The following EXD3 variants were observed in gnomAD, a reference collection of about 807,000 sequenced individuals.
EXD3 encodes the protein exonuclease 3'-5' domain containing 3.
In EXD3, 92 loss-of-function variants were observed where a neutral mutation model predicts 98.0. The ratio of observed to expected loss-of-function variants is 0.94; its 90% CI spans 0.79 to 1.12. The LOEUF (loss-of-function observed/expected upper bound fraction) is 1.12. EXD3 is among the 50% of genes most tolerant of loss of function. The probability of loss-of-function intolerance (pLI) is 0.00; values close to 1 mark genes in which losing one functional copy is unlikely to be tolerated. For synonymous variants in EXD3, 569 were observed against 526.0 expected (o/e 1.08, Z -1.12); for missense variants, 1,222 against 1,191.6 (o/e 1.03, Z -0.38).
Position 137,395,139 on chromosome 9 carries a change from C to T in EXD3, c.55+164G>A, listed in dbSNP as rs1837143728. ...AAGGCCACAGTGGGGCCTCCGGACT[C>T]ACAAGGTCCCAAGCCGTGGACACTG... On this transcript the variant is annotated intron_variant, in intron 2 of 21. Coordinates refer to ENST00000340951, the MANE Select transcript of EXD3 (RefSeq NM_017820.5). The surrounding 1 kb of genome is among the most constrained non-coding windows in gnomAD (Gnocchi z 6.5). 6.6e-6 allele frequency among the ~76,000 whole-genome samples: 1 copy of T among 152,092 alleles called. No homozygotes were observed. The highest frequency in any genetic ancestry group is 2.4e-5 in the African/African-American group (1 of 41,412).
intron 1 of EXD3, among the ~76,000 whole-genome samples, chr9:137,401,314 C>T (rs372049313): frequency 3.9e-5 from 6 of 152,224 alleles, no homozygotes; most frequent in East Asian, 1.9e-4. Context: ...CCACCACACC[C>T]GACTAAATAT....
chr9:137,394,929 AGGGTGTTCCGGGC>A (rs1837130373), intron 2 of EXD3, among the ~76,000 whole-genome samples: 1 of 151,984 alleles, frequency 6.6e-6, no homozygotes. Context: ...TAAGCCCCCA[AGGGTGTTCCGGGC>A]CCTCCGCCTG....
intron 17 of EXD3, among the ~76,000 whole-genome samples, chr9:137,332,279 A>G (rs190191715): frequency 9.5e-4 from 145 of 152,330 alleles, no homozygotes; most frequent in Admixed American, 4.8e-3. Flanking sequence ...GAATAGCCAA[A>G]GCAGTCCTAA....
intron 8 of EXD3, among the ~76,000 whole-genome samples, chr9:137,355,563 G>GGAA (rs1564508527): frequency 2.5e-4 from 1 of 4,050 alleles, no homozygotes; most frequent in Non-Finnish European, 5.4e-4. Flanking sequence ...GAAGGAGGAA[G>GGAA]GGAGGATGGA....
chr9:137,331,772 G>C (rs7850853), intron 17 of EXD3, among the ~76,000 whole-genome samples: 18,055 of 151,778 alleles, frequency 0.12, 1,519 homozygotes, highest in African/African-American at 0.24. Context: ...AAAAATTAGC[G>C]AGGTGTGGTG....
At chr9:137,409,067 G>C (rs1175248298) in intron 1 of EXD3, among the ~76,000 whole-genome samples, 1 of 152,214 alleles carries the variant, frequency 6.6e-6, no homozygotes, top group South Asian at 2.1e-4. Context: ...ACCATGCTGC[G>C]GCGTTTCAAG....
chr9:137,397,120 A>G (rs1444055784), intron 1 of EXD3, among the ~76,000 whole-genome samples: 3 of 152,200 alleles, frequency 2.0e-5, no homozygotes, highest in Non-Finnish European at 4.4e-5. Context: ...CGCCTGACAC[A>G]CTGCAGTCCA....
chr9:137,365,973 CAG>C (rs147065899), intron 7 of EXD3: 6,201 of 533,650 alleles, frequency 0.012, 55 homozygotes, highest in Non-Finnish European at 0.016. Context: ...CGTGCACACA[CAG>C]AGACACACAC....
rs533893243 is a variant in EXD3 at position 137,307,593 on chromosome 9, G to A, written c.2317+15C>T. On this transcript the variant is annotated intron_variant, in intron 21 of 21. Coordinates refer to ENST00000340951, the MANE Select transcript of EXD3 (RefSeq NM_017820.5). ...AGAAGCAGCTGTGTCCTTGGTGGGC[G>A]GTCCCGGGGCTCACCTGGCTCCTGC... is the stretch of plus-strand genomic sequence containing the variant. The A allele has an allele frequency of 1.6e-5, 26 of 1,609,272 alleles. No homozygotes were observed. The highest frequency in any genetic ancestry group is 4.4e-5 in the South Asian group (4 of 90,972).
rs146336699 is a variant in EXD3 at position 137,403,062 on chromosome 9, G to A, written c.-47-7658C>T. Among the ~76,000 whole-genome samples, 353 of 152,226 alleles carry A rather than the reference G, an allele frequency of 2.3e-3. 4 individuals carry two copies. Among genetic ancestry groups the A allele is most frequent in the Admixed American group, 0.015 (231 of 15,272 alleles). ...AGATACAATTCAAGTTGAGATGTGGGTGAGGACACAGCCAAAGCATATCAC... is the reference window on the plus strand; with the variant it reads ...AGATACAATTCAAGTTGAGATGTGGATGAGGACACAGCCAAAGCATATCAC... On this transcript the variant is annotated intron_variant, in intron 1 of 21. Coordinates refer to ENST00000340951, the MANE Select transcript of EXD3 (RefSeq NM_017820.5). This position sits in a 1 kb window ranked among gnomAD's most constrained non-coding sequence, Gnocchi z 6.1.
rs1206857795 is a variant in EXD3, at chr9:137,393,858, C to T, written c.55+1445G>A. 3.9e-5 allele frequency among the ~76,000 whole-genome samples: 6 copies of T among 152,172 alleles called. No individual in the cohort carries two copies. Among genetic ancestry groups the T allele is most frequent in the Admixed American group, 3.9e-4 (6 of 15,286 alleles). Reference sequence around the variant, plus strand: ...AAACCCACAACAAACTGAGGGCCTGCAGCCCAGGGCGAGGCGGCTGGGCCA... The same window carrying T: ...AAACCCACAACAAACTGAGGGCCTGTAGCCCAGGGCGAGGCGGCTGGGCCA... On this transcript the variant is annotated intron_variant, in intron 2 of 21. Transcript: ENST00000340951. This position sits in a 1 kb window ranked among gnomAD's most constrained non-coding sequence, Gnocchi z 4.6.
At position 137,314,753 on chromosome 9, in the gene EXD3, C is replaced by T. The variant is rs926870865; in HGVS notation, c.2185-5053G>A. ...GATGGGCCTCGGGCAGCGTCGGCGGCGAGAAGGTCCCTGGGGGTCGGGACA... is the reference window on the plus strand; with the variant it reads ...GATGGGCCTCGGGCAGCGTCGGCGGTGAGAAGGTCCCTGGGGGTCGGGACA... On this transcript the variant is annotated intron_variant, in intron 19 of 21. Transcript: ENST00000340951. 6.6e-5 allele frequency among the ~76,000 whole-genome samples: 10 copies of T among 152,272 alleles called. No homozygotes were observed. The East Asian group carries it at 7.7e-4, about 12-fold the overall frequency.
At position 137,377,856 on chromosome 9, in the gene EXD3, C is replaced by T. The variant is rs536986353; in HGVS notation, c.121-4257G>A. ...TCGCCCAGGCTGGAGTGCAGTGGTGCGATCTTGGCTCACTGCAATCTCTGC... is the reference window on the plus strand; with the variant it reads ...TCGCCCAGGCTGGAGTGCAGTGGTGTGATCTTGGCTCACTGCAATCTCTGC... On this transcript the variant is annotated intron_variant, in intron 3 of 21. Coordinates refer to ENST00000340951, the MANE Select transcript of EXD3 (RefSeq NM_017820.5). 1.7e-4 allele frequency among the ~76,000 whole-genome samples: 20 copies of T among 120,750 alleles called. No individual in the cohort carries two copies. The South Asian group carries it at 4.0e-3, about 24-fold the overall frequency. The allele number at this position is 120,750 out of a possible 152,430, so 79.2% of individuals were successfully genotyped here. A position where few individuals can be genotyped will look rare whatever the true frequency, so the allele number is the denominator to read the frequency against.
chr9:137,401,819 G>A (rs537080328), intron 1 of EXD3, among the ~76,000 whole-genome samples: 3 of 152,298 alleles, frequency 2.0e-5, no homozygotes, highest in South Asian at 4.1e-4. Context: ...TGATGGGAGG[G>A]GCTGCCATGA....
At chr9:137,417,317 G>A (rs1045175772) in intron 1 of EXD3, among the ~76,000 whole-genome samples, 3 of 152,218 alleles carry the variant, frequency 2.0e-5, no homozygotes, top group African/African-American at 7.2e-5. Context: ...GGTGAGCACA[G>A]CACACCCCGG....
intron 19 of EXD3, among the ~76,000 whole-genome samples, chr9:137,319,686 G>C (rs1831922738): frequency 6.6e-6 from 1 of 152,228 alleles, no homozygotes; most frequent in Non-Finnish European, 1.5e-5. Flanking sequence ...CTGGGCTGTG[G>C]GCATTGGGCC....
Position 137,309,618 on chromosome 9 carries a change from G to C in EXD3, c.2267C>G (p.Pro756Arg). Reference protein sequence around the residue: ...LMWLSSHQEGPRSSGDEATQS... With the variant: ...LMWLSSHQEGRRSSGDEATQS... ...CCTGACACACTCACCTGAGCTCCTG[G>C]GCCCCTCCTGGTGACTGCTGAGCCA... The change falls in exon 20 of 22, where the codon CCC becomes CGC. Residue 756 changes from proline to arginine, a missense_variant. Physicochemically the swap from Pro to Arg is moderately radical, Grantham distance 103. Transcript: ENST00000340951. 2 of 1,559,610 alleles carry C rather than the reference G, an allele frequency of 1.3e-6. No individual in the cohort carries two copies. The highest frequency in any genetic ancestry group is 1.7e-6 in the Non-Finnish European group (2 of 1,151,828).
chr9:137,318,189 C>T (rs1353480237), intron 19 of EXD3, among the ~76,000 whole-genome samples: 2 of 152,144 alleles, frequency 1.3e-5, no homozygotes, highest in African/African-American at 2.4e-5. Flanking sequence ...GTCCTGGAGC[C>T]CACTCTGTCC....
At chr9:137,373,626 A>C in intron 3 of EXD3, 27 bp from the exon 4 acceptor site, 1 of 1,576,122 alleles carries the variant, frequency 6.3e-7, no homozygotes, top group Middle Eastern at 1.7e-4. Flanking sequence ...CCACACTGGC[A>C]CTTTGTCTTG....
Sources: allele counts gnomAD v4.1 joint callset (sites outside exome capture counted in the v4.1 genomes callset), GRCh38; gene constraint gnomAD v4.1.1; non-coding constraint Gnocchi (gnomAD v3.1); transcripts MANE v1.5; gene names NCBI Gene and HGNC (gene_info 2026-07-23, HGNC 2026-07-21).